ST6GAL2: variants seen among roughly 807,000 people sequenced by gnomAD.
The protein encoded by ST6GAL2 is ST6 beta-galactoside alpha-2,6-sialyltransferase 2, also known as beta-galactoside alpha-2,6-sialyltransferase 2.
ST6GAL2 carries 24 observed loss-of-function variants against 37.5 expected under a neutral mutation model. The ratio of observed to expected loss-of-function variants is 0.64; its 90% CI spans 0.46 to 0.90. The LOEUF (loss-of-function observed/expected upper bound fraction) is 0.90, where lower values mean the gene tolerates loss of function less well. Ranked by LOEUF, ST6GAL2 falls within the 40% of genes least tolerant of loss-of-function variation. The probability of loss-of-function intolerance (pLI) is 0.00; values close to 1 mark genes in which losing one functional copy is unlikely to be tolerated. For missense variants in ST6GAL2, 715 were observed against 712.7 expected, an observed-to-expected ratio of 1.00 and a Z score of -0.04; for synonymous variants, 306 against 295.1, an observed-to-expected ratio of 1.04 and a Z score of -0.38.
In ST6GAL2 at chr2:106,813,171, C is replaced by T. The variant is rs375444426; in HGVS notation, c.1319-6222G>A. On this transcript the variant is annotated intron_variant, in intron 5 of 5. Transcript: ENST00000409382. The stretch of plus-strand genomic sequence containing the variant: ...TCTGTCGTCCAGGCTGGAGTGCAGT[C>T]GCGTGATCTCGGCTCACTGCAAGCT... 7.6e-6 allele frequency: 10 copies of T among 1,313,250 alleles called. No individual in the cohort carries two copies. In the East Asian group the frequency reaches 9.3e-5, roughly 12 times the overall value. 81.3% of individuals were successfully genotyped at this position (1,313,250 alleles called of 1,614,324 possible).
chr2:106,883,864 G>C (rs535347934), intron 1 of ST6GAL2, among the ~76,000 whole-genome samples: 1 of 152,142 alleles, frequency 6.6e-6, no homozygotes, highest in Non-Finnish European at 1.5e-5. Flanking sequence ...TCACCCATGA[G>C]GTAGCAATCT....
At chr2:106,849,642 A>C (rs1426681127) in intron 1 of ST6GAL2, among the ~76,000 whole-genome samples, 1 of 152,178 alleles carries the variant, frequency 6.6e-6, no homozygotes. Context: ...AGGAGAGATT[A>C]AATGTGAGTG....
intron 1 of ST6GAL2, among the ~76,000 whole-genome samples, chr2:106,845,137 C>T (rs1046848976): frequency 2.0e-5 from 3 of 152,024 alleles, no homozygotes; most frequent in African/African-American, 7.2e-5. Flanking sequence ...TTTGTGTGTG[C>T]GTTTTGCAGA....
intron 5 of ST6GAL2, among the ~76,000 whole-genome samples, chr2:106,822,685 G>GA (rs1676048868): frequency 6.6e-6 from 1 of 151,984 alleles, no homozygotes; most frequent in Admixed American, 6.5e-5. Context: ...CCATTCAATA[G>GA]AATGACCCAG....
In ST6GAL2 at chr2:106,801,951, T is replaced by A. The variant is rs1675275022; in HGVS notation, c.*4727A>T. The stretch of plus-strand genomic sequence containing the variant: ...TTTCCAATCTACCTAGCAAGAAGAC[T>A]ATTTTCCATAGAACCAGTAAATGTT... On this transcript the variant is annotated 3_prime_UTR_variant, in exon 6 of 6. Transcript: ENST00000409382. 6.6e-6 allele frequency: 1 copy of A among 152,148 alleles called. No homozygotes were observed. The highest frequency in any genetic ancestry group is 1.5e-5 in the Non-Finnish European group (1 of 68,026). 9.4% of individuals were successfully genotyped at this position (152,148 alleles called of 1,614,324 possible). A position where few individuals can be genotyped will look rare whatever the true frequency, so the allele number is the denominator to read the frequency against.
intron 1 of ST6GAL2, among the ~76,000 whole-genome samples, chr2:106,876,585 G>T (rs568051234): frequency 6.6e-6 from 1 of 152,300 alleles, no homozygotes; most frequent in South Asian, 2.1e-4. Context: ...AATCAGAATA[G>T]TGAGTACCCA....
chr2:106,862,336 A>G (rs926592506), intron 1 of ST6GAL2, among the ~76,000 whole-genome samples: 1 of 152,202 alleles, frequency 6.6e-6, no homozygotes, highest in African/African-American at 2.4e-5. Flanking sequence ...CTGACTTAAC[A>G]CAGCATTAAC....
At chr2:106,817,091 CA>C (rs1440348685) in intron 5 of ST6GAL2, among the ~76,000 whole-genome samples, 1 of 152,220 alleles carries the variant, frequency 6.6e-6, no homozygotes. Flanking sequence ...GCCTCGCCAC[CA>C]GGGGCTAAAG....
At chr2:106,872,139 A>C (rs772603952) in intron 1 of ST6GAL2, among the ~76,000 whole-genome samples, 7 of 152,180 alleles carry the variant, frequency 4.6e-5, no homozygotes, top group Non-Finnish European at 7.3e-5. Context: ...GCTCCATTAT[A>C]ATCTCAGGAG....
chr2:106,861,055 A>C (rs1211420516), intron 1 of ST6GAL2, among the ~76,000 whole-genome samples: 1 of 152,196 alleles, frequency 6.6e-6, no homozygotes, highest in Admixed American at 6.5e-5. Flanking sequence ...TCAGTGATAA[A>C]AATTAAAAGA....
chr2:106,836,773 C>CA (rs70956213), intron 2 of ST6GAL2, among the ~76,000 whole-genome samples: 10,107 of 70,236 alleles, frequency 0.14, 914 homozygotes, highest in East Asian at 0.47. Context: ...ACTAAAAATA[C>CA]AAAAAAAAAA....
chr2:106,831,623 A>G (rs949077515), intron 4 of ST6GAL2, among the ~76,000 whole-genome samples: 4 of 152,202 alleles, frequency 2.6e-5, no homozygotes, highest in Non-Finnish European at 4.4e-5. Context: ...AGATTTTGAA[A>G]AATACTCTCC....
chr2:106,838,288 G>T (rs1239349819), intron 2 of ST6GAL2, among the ~76,000 whole-genome samples: 1 of 152,164 alleles, frequency 6.6e-6, no homozygotes, highest in African/African-American at 2.4e-5. Context: ...GCCCTTCAAG[G>T]AGCTGCTGGG....
intron 1 of ST6GAL2, among the ~76,000 whole-genome samples, chr2:106,880,305 A>T (rs1678694556): frequency 6.6e-6 from 1 of 152,190 alleles, no homozygotes; most frequent in Non-Finnish European, 1.5e-5. Context: ...TGAATAACCT[A>T]TAGTATTTGG....
At chr2:106,883,351 G>A (rs1037776981) in intron 1 of ST6GAL2, among the ~76,000 whole-genome samples, 1 of 152,150 alleles carries the variant, frequency 6.6e-6, no homozygotes, top group Non-Finnish European at 1.5e-5. Flanking sequence ...TGGAAGGAGA[G>A]CTTTCGGAAA....
Position 106,859,000 on chromosome 2 carries a change from CGTT to C in ST6GAL2, c.-57-14969_-57-14967del, listed in dbSNP as rs568961427. ...GGGGCAGGCAGCAGATGGCAGCACA[CGTT>C]GTAATGCTTCACAAAGCAGGAGACC... On this transcript the variant is annotated intron_variant, in intron 1 of 5. Coordinates refer to ENST00000409382, the MANE Select transcript of ST6GAL2 (RefSeq NM_001142351.2). 5.3e-3 allele frequency among the ~76,000 whole-genome samples: 814 copies of C among 152,246 alleles called. 6 individuals carry two copies. The highest frequency in any genetic ancestry group is 0.019 in the African/African-American group (769 of 41,548).
intron 2 of ST6GAL2, chr2:106,835,080 C>T (rs1455764574): frequency 1.3e-5 from 2 of 152,324 alleles, no homozygotes; most frequent in African/African-American, 4.8e-5. Flanking sequence ...GTTCCCTTTA[C>T]AGAAGGCAGC....
intron 1 of ST6GAL2, among the ~76,000 whole-genome samples, chr2:106,866,569 C>A (rs1318827208): frequency 6.6e-6 from 1 of 152,142 alleles, no homozygotes. Context: ...TCCCACAGCT[C>A]CCAGAGGCCA....
At chr2:106,828,281 T>A (rs184851554) in intron 5 of ST6GAL2, among the ~76,000 whole-genome samples, 11 of 152,336 alleles carry the variant, frequency 7.2e-5, no homozygotes, top group African/African-American at 2.6e-4. Context: ...TGAAAAAGAC[T>A]TTATTAAACT....
Sources: allele counts gnomAD v4.1 joint callset (sites outside exome capture counted in the v4.1 genomes callset), GRCh38; gene constraint gnomAD v4.1.1; transcripts MANE v1.5; gene names NCBI Gene and HGNC (gene_info 2026-07-23, HGNC 2026-07-21).